The following TBC1D1 variants were observed in gnomAD, a reference collection of about 807,000 sequenced individuals.
TBC1D1 encodes TBC1 domain family member 1, also known as TBC1 (tre-2/USP6, BUB2, cdc16) domain family, member 1.
TBC1D1 carries 89 observed loss-of-function variants against 125.6 expected under a neutral mutation model. The ratio of observed to expected loss-of-function variants is 0.71; its 90% CI spans 0.60 to 0.85. The LOEUF (loss-of-function observed/expected upper bound fraction) is 0.85, where lower values mean the gene tolerates loss of function less well. TBC1D1 is among the 40% of genes least tolerant of loss of function. The pLI is 0.00. For missense variants in TBC1D1, 1,377 were observed against 1,469.2 expected, an observed-to-expected ratio of 0.94 and a Z score of 1.03; for synonymous variants, 565 against 564.1, an observed-to-expected ratio of 1.00 and a Z score of -0.02.
chr4:38,053,103 T>C lies in TBC1D1; in HGVS notation c.1911-1096T>C. 1 of 1,456,010 alleles carries C rather than the reference T, an allele frequency of 6.9e-7. No individual in the cohort carries two copies. The highest frequency in any genetic ancestry group is 9.0e-7 in the Non-Finnish European group (1 of 1,105,072). 90.2% of individuals were successfully genotyped at this position (1,456,010 alleles called of 1,614,324 possible). Reference sequence around the variant, plus strand: ...TAAACTCTTTTTTCAACCAAACTCTTAGCATCTCCTACCGTAATGCCCTGC... The same window carrying C: ...TAAACTCTTTTTTCAACCAAACTCTCAGCATCTCCTACCGTAATGCCCTGC... On this transcript the variant is annotated intron_variant, in intron 11 of 19. Transcript: ENST00000261439.
At chr4:38,091,864 T>G (rs1212511935) in intron 13 of TBC1D1, among the ~76,000 whole-genome samples, 1 of 152,274 alleles carries the variant, frequency 6.6e-6, no homozygotes, top group South Asian at 2.1e-4. Flanking sequence ...CTTCTAATGC[T>G]TCCTCATTTC....
Position 38,051,601 on chromosome 4 carries a change from G to A in TBC1D1, c.1910+1703G>A, listed in dbSNP as rs555403838. On this transcript the variant is annotated intron_variant, in intron 11 of 19. Coordinates refer to ENST00000261439, the MANE Select transcript of TBC1D1 (RefSeq NM_015173.4). The stretch of plus-strand genomic sequence containing the variant: ...CACAGTCAGCTGTGATCGTGCTACC[G>A]CACTCCAGCCTGGGTGATAGAGTGA... Among the ~76,000 whole-genome samples, 80 of 152,102 alleles carry A rather than the reference G, an allele frequency of 5.3e-4. 1 individual carries two copies. In the South Asian group the frequency reaches 0.015, roughly 28 times the overall value.
At chr4:38,091,963 ATG>A (rs1193745096) in intron 13 of TBC1D1, among the ~76,000 whole-genome samples, 1 of 152,220 alleles carries the variant, frequency 6.6e-6, no homozygotes, top group Non-Finnish European at 1.5e-5. Flanking sequence ...AAAGTTCCAC[ATG>A]TGTTTATCTT....
At chr4:38,053,219 CA>C (rs34201174) in intron 11 of TBC1D1, 3 of 1,510,544 alleles carry the variant, frequency 2.0e-6, no homozygotes, top group South Asian at 1.3e-5. Context: ...TTTATGAACA[CA>C]AAAAGGTAGG....
intron 18 of TBC1D1, 127 bp from the exon 21 acceptor site, chr4:38,132,957 A>G: frequency 3.1e-6 from 2 of 655,252 alleles, no homozygotes; most frequent in East Asian, 2.9e-5. Context: ...TACTTCTAGT[A>G]CCAAGTGTAG....
Position 38,049,799 on chromosome 4 carries a change from G to T in TBC1D1, c.1811G>T (p.Cys604Phe). ...ACCCTGAGTCACTTCCCCATCGAAT[G>T]CCAGGAACCTCCACAACCTGCCCGG... The change falls in exon 11 of 20, where the codon TGC becomes TTC. Residue 604 changes from cysteine (C) to phenylalanine (F), a missense_variant. Cys to Phe is a radical substitution (Grantham distance 205). Coordinates refer to ENST00000261439, the MANE Select transcript of TBC1D1 (RefSeq NM_015173.4). 1 of 1,614,152 alleles carries T rather than the reference G, an allele frequency of 6.2e-7. No homozygotes were observed. The highest frequency in any genetic ancestry group is 8.5e-7 in the Non-Finnish European group (1 of 1,180,024).
At chr4:37,913,734 C>A (rs1370536842) in intron 2 of TBC1D1, among the ~76,000 whole-genome samples, 1 of 142,534 alleles carries the variant, frequency 7.0e-6, no homozygotes, top group African/African-American at 2.5e-5. Context: ...GTTACTGGCC[C>A]AATTTTTTTT....
intron 8 of TBC1D1, among the ~76,000 whole-genome samples, chr4:38,042,543 C>T (rs936934916): frequency 5.9e-5 from 9 of 152,200 alleles, no homozygotes; most frequent in Admixed American, 6.5e-5. Flanking sequence ...GCATCAGCCA[C>T]TGCACCTGGC....
intron 2 of TBC1D1, among the ~76,000 whole-genome samples, chr4:37,942,689 C>A (rs1308775774): frequency 6.6e-6 from 1 of 152,124 alleles, no homozygotes; most frequent in Admixed American, 6.5e-5. Flanking sequence ...CAGGTGCCCA[C>A]CACCACGCCT....
intron 2 of TBC1D1, among the ~76,000 whole-genome samples, chr4:37,955,054 A>T (rs1005956541): frequency 3.3e-5 from 5 of 152,030 alleles, no homozygotes; most frequent in African/African-American, 1.2e-4. Context: ...TTTCCACCTG[A>T]TGTGTCATGT....
At chr4:38,077,953 A>G (rs1755885244) in intron 12 of TBC1D1, among the ~76,000 whole-genome samples, 1 of 152,156 alleles carries the variant, frequency 6.6e-6, no homozygotes, top group Admixed American at 6.5e-5. Flanking sequence ...TTGACAAGGA[A>G]GAAGTCTGGG....
chr4:37,960,786 T>C (rs1338321319), intron 2 of TBC1D1: 3 of 1,614,196 alleles, frequency 1.9e-6, no homozygotes, highest in South Asian at 2.2e-5. Flanking sequence ...AGAAAAATTC[T>C]TTCCCTTCAA....
intron 18 of TBC1D1, among the ~76,000 whole-genome samples, chr4:38,127,247 A>C (rs989568269): frequency 6.6e-6 from 1 of 152,218 alleles, no homozygotes; most frequent in African/African-American, 2.4e-5. Context: ...AATACTTAGG[A>C]TACATCAGGT....
chr4:37,953,276 A>T (rs1360818808), intron 2 of TBC1D1, among the ~76,000 whole-genome samples: 3 of 152,232 alleles, frequency 2.0e-5, no homozygotes, highest in Non-Finnish European at 2.9e-5. Context: ...TTTAATCTGG[A>T]GGTGATCCTG....
Position 38,118,166 on chromosome 4 carries a change from C to T in TBC1D1, c.2936C>T (p.Pro979Leu), listed in dbSNP as rs776077175. 1.8e-5 allele frequency: 29 copies of T among 1,614,110 alleles called. No homozygotes were observed. Among genetic ancestry groups the T allele is most frequent in the Non-Finnish European group, 2.3e-5 (27 of 1,180,052 alleles). ...CTCACCATGTTTGCCTCACAGTTCC[C>T]GCTGGGATTCGTAGCCAGAGTCTTT... The change falls in exon 17 of 20, where the codon CCG (proline) becomes CTG (leucine). Residue 979 changes from proline to leucine, a missense_variant. Transcript: ENST00000261439.
At chr4:38,020,101 T>G (rs1462707676) in intron 4 of TBC1D1, among the ~76,000 whole-genome samples, 1 of 152,190 alleles carries the variant, frequency 6.6e-6, no homozygotes, top group Non-Finnish European at 1.5e-5. Context: ...CAAAGGAACA[T>G]TCTAGTAAAC....
intron 8 of TBC1D1, among the ~76,000 whole-genome samples, chr4:38,036,104 T>G (rs6818409): frequency 6.6e-6 from 1 of 152,034 alleles, no homozygotes; most frequent in African/African-American, 2.4e-5. Flanking sequence ...GTGATATAAA[T>G]GCTAGGTCAC....
At chr4:37,927,344 C>A (rs1188420014) in intron 2 of TBC1D1, among the ~76,000 whole-genome samples, 1 of 152,154 alleles carries the variant, frequency 6.6e-6, no homozygotes, top group Non-Finnish European at 1.5e-5. Context: ...ATTGATTTTA[C>A]AATTCTATTT....
At chr4:37,904,247 C>T (rs1029719619) in intron 2 of TBC1D1, among the ~76,000 whole-genome samples, 4 of 151,632 alleles carry the variant, frequency 2.6e-5, no homozygotes, top group African/African-American at 7.3e-5. Flanking sequence ...ATGCTAATTT[C>T]ATTTCACGTC....
Sources: gnomAD v4.1 joint callset for allele counts (sites outside exome capture counted in the v4.1 genomes callset) on GRCh38, gnomAD v4.1.1 for gene constraint, MANE v1.5 for transcripts, NCBI Gene and HGNC (gene_info 2026-07-23, HGNC 2026-07-21) for gene names.